DHRSX: variants seen among roughly 807,000 people sequenced by gnomAD.
DHRSX encodes the protein polyprenol dehydrogenase.
In DHRSX, 31 loss-of-function variants were observed where a neutral mutation model predicts 34.0. That is an observed-to-expected ratio of 0.91 (90% CI 0.69 to 1.23). The LOEUF (loss-of-function observed/expected upper bound fraction) is 1.23, where lower values mean the gene tolerates loss of function less well. Among genes scored for constraint, DHRSX ranks in the 50% most tolerant of loss-of-function variants. The pLI is 0.00. For missense variants in DHRSX, 414 were observed against 428.1 expected, an observed-to-expected ratio of 0.97 and a Z score of 0.29; for synonymous variants, 201 against 183.8, an observed-to-expected ratio of 1.09 and a Z score of -0.76.
intron 6 of DHRSX, among the ~76,000 whole-genome samples, chrX:2,230,046 C>T (rs769919916): frequency 6.6e-5 from 10 of 152,190 alleles, no homozygotes; most frequent in Admixed American, 2.0e-4. Context: ...TGTGGATATA[C>T]GCATGTCTGT....
intron 3 of DHRSX, among the ~76,000 whole-genome samples, chrX:2,389,213 G>C (rs1266796835): frequency 2.0e-5 from 3 of 152,102 alleles, no homozygotes; most frequent in Non-Finnish European, 4.4e-5. Context: ...GCCAGGAAGG[G>C]GTCACCTGGT....
chrX:2,285,511 G>C (rs2041793820), intron 4 of DHRSX, among the ~76,000 whole-genome samples: 1 of 152,194 alleles, frequency 6.6e-6, no homozygotes, highest in South Asian at 2.1e-4. Context: ...AGCTCAGGCA[G>C]TCATGTGAAC....
intron 2 of DHRSX, 42 bp downstream of exon 2, chrX:2,425,155 A>C (rs2043827223): frequency 2.0e-6 from 3 of 1,510,876 alleles, no homozygotes; most frequent in Non-Finnish European, 2.7e-6. Context: ...AAAAAAAAAA[A>C]CCGAAAAAAC....
chrX:2,395,246 C>T (rs1359366695), intron 3 of DHRSX, among the ~76,000 whole-genome samples: 1 of 152,056 alleles, frequency 6.6e-6, no homozygotes, highest in East Asian at 1.9e-4. Flanking sequence ...GCTCTCCAGC[C>T]CACCTGCACT....
intron 3 of DHRSX, among the ~76,000 whole-genome samples, chrX:2,397,413 C>T (rs1281254786): frequency 6.6e-6 from 1 of 152,180 alleles, no homozygotes; most frequent in African/African-American, 2.4e-5. Context: ...GAATTCCAAG[C>T]GTGAGCCACC....
At chrX:2,276,137 C>T (rs996173736) in intron 4 of DHRSX, among the ~76,000 whole-genome samples, 17 of 152,210 alleles carry the variant, frequency 1.1e-4, no homozygotes, top group African/African-American at 3.1e-4. Context: ...CCATCGCGCC[C>T]GGCCTGTTTC....
At chrX:2,368,103 C>T (rs1039333702) in intron 3 of DHRSX, among the ~76,000 whole-genome samples, 1 of 151,644 alleles carries the variant, frequency 6.6e-6, no homozygotes, top group Non-Finnish European at 1.5e-5. Context: ...ATTAGCCGGG[C>T]GTGGTGCCGT....
chrX:2,391,718 G>A (rs1216206451), intron 3 of DHRSX, among the ~76,000 whole-genome samples: 1 of 152,166 alleles, frequency 6.6e-6, no homozygotes, highest in Non-Finnish European at 1.5e-5. Context: ...CTGAGGTCAG[G>A]AGTTCGAGAC....
Position 2,408,772 on chromosome X carries a change from T to C in DHRSX, c.259A>G (p.Ile87Val). ...TTGTCGTTCAAGGTTTCTTCTTTTA[T>C]TTTGCTTACAACTTGTTTGGCTTTG... ...DSKAKQVVSK[I>V]KEETLNDKVE... Residue 87 changes from isoleucine (I) to valine (V), a missense_variant, in exon 3 of 7, where the codon ATA (isoleucine) becomes GTA (valine). Physicochemically the swap from Ile to Val is conservative, Grantham distance 29. Coordinates refer to ENST00000334651, the MANE Select transcript of DHRSX (RefSeq NM_145177.3). The C allele has an allele frequency of 6.2e-7, 1 of 1,613,128 alleles. No individual in the cohort carries two copies. Among genetic ancestry groups the C allele is most frequent in the Non-Finnish European group, 8.5e-7 (1 of 1,179,690 alleles).
chrX:2,245,707 C>T (rs1466275060), intron 5 of DHRSX, among the ~76,000 whole-genome samples: 1 of 148,090 alleles, frequency 6.8e-6, no homozygotes, highest in Non-Finnish European at 1.5e-5. Flanking sequence ...CCTGTAATCT[C>T]AGCACTTTGG....
intron 5 of DHRSX, among the ~76,000 whole-genome samples, chrX:2,243,801 T>TTGTTTTG (rs1569478884): frequency 3.0e-4 from 25 of 84,490 alleles, no homozygotes; most frequent in African/African-American, 1.0e-3. Flanking sequence ...TTTTTTTTTT[T>TTGTTTTG]TTTTTTTTTT....
rs182124786 is a variant in DHRSX, at chrX:2,318,235, G to A, written c.287-26632C>T. On this transcript the variant is annotated intron_variant, in intron 3 of 6. Transcript: ENST00000334651. ...AGCAGCTGGGTGTGGTGATGGTGGTGCATGCCTGTAGTCCCAGCTACTTGG... is the reference window on the plus strand; with the variant it reads ...AGCAGCTGGGTGTGGTGATGGTGGTACATGCCTGTAGTCCCAGCTACTTGG... Among the ~76,000 whole-genome samples the A allele has an allele frequency of 4.9e-3, 734 of 150,140 alleles. 11 individuals are homozygous for A. The highest frequency in any genetic ancestry group is 0.017 in the African/African-American group (705 of 40,938).
chrX:2,232,908 C>G (rs66687130), intron 6 of DHRSX, among the ~76,000 whole-genome samples: 122,527 of 151,974 alleles, frequency 0.81, 49,727 homozygotes, highest in East Asian at 0.95. Context: ...CCAGAGGCTG[C>G]TGGTCTCAGA....
intron 3 of DHRSX, among the ~76,000 whole-genome samples, chrX:2,388,191 G>A (rs1348212693): frequency 2.0e-5 from 3 of 152,118 alleles, no homozygotes; most frequent in Non-Finnish European, 2.9e-5. Context: ...ATGCTGAGAC[G>A]ATGCCAGCTT....
chrX:2,245,483 T>C (rs2016255015), intron 5 of DHRSX, among the ~76,000 whole-genome samples: 1 of 151,456 alleles, frequency 6.6e-6, no homozygotes. Context: ...TAATTTTTTG[T>C]ATTTTTAGTA....
At chrX:2,485,315 C>G (rs1207713796) in intron 1 of DHRSX, among the ~76,000 whole-genome samples, 1 of 151,910 alleles carries the variant, frequency 6.6e-6, no homozygotes. Flanking sequence ...GAAAATGAAC[C>G]CCTTTCAACC....
intron 3 of DHRSX, among the ~76,000 whole-genome samples, chrX:2,358,514 G>A (rs1185346451): frequency 1.3e-5 from 2 of 151,974 alleles, no homozygotes; most frequent in Non-Finnish European, 2.9e-5. Flanking sequence ...TGGCTAACAC[G>A]GTGAAACCCT....
rs1180495082 is a variant in DHRSX, at chrX:2,291,615, C to G, written c.287-12G>C. The G allele has an allele frequency of 6.2e-7, 1 of 1,603,612 alleles. No homozygotes were observed. Among genetic ancestry groups the G allele is most frequent in the African/African-American group, 1.3e-5 (1 of 74,604 alleles). On this transcript the variant is annotated splice_polypyrimidine_tract_variant and intron_variant, in intron 3 of 6. Transcript: ENST00000334651. Reference sequence around the variant, plus strand: ...GTATAAAAATTCCACTGGAAAAGGACAACAACAAAAAATACCTGGTTATCT... The same window carrying G: ...GTATAAAAATTCCACTGGAAAAGGAGAACAACAAAAAATACCTGGTTATCT...
At chrX:2,355,855 C>T (rs1214029692) in intron 3 of DHRSX, among the ~76,000 whole-genome samples, 2 of 151,862 alleles carry the variant, frequency 1.3e-5, no homozygotes, top group Admixed American at 6.6e-5. Flanking sequence ...CATCTAAAGT[C>T]GGGAGTTTGA....
Sources: gnomAD v4.1 joint callset for allele counts (sites outside exome capture counted in the v4.1 genomes callset) on GRCh38, gnomAD v4.1.1 for gene constraint, MANE v1.5 for transcripts, NCBI Gene and HGNC (gene_info 2026-07-23, HGNC 2026-07-21) for gene names.